Variants in VTI1A observed in about 807,000 individuals in gnomAD.
VTI1A encodes the protein vesicle transport through interaction with t-SNAREs homolog 1A.
A neutral mutation model predicts 34.9 loss-of-function variants in VTI1A; 22 were observed. The ratio of observed to expected loss-of-function variants is 0.63; its 90% confidence interval spans 0.45 to 0.90. The LOEUF (loss-of-function observed/expected upper bound fraction) is 0.90. Among genes scored for constraint, VTI1A ranks in the 40% least tolerant of loss-of-function variants. The probability of loss-of-function intolerance (pLI) is 0.00; values close to 1 mark genes in which losing one functional copy is unlikely to be tolerated. For synonymous variants in VTI1A, 87 were observed against 97.3 expected, an observed-to-expected ratio of 0.89 and a Z score of 0.62; for missense variants, 268 against 275.6, an observed-to-expected ratio of 0.97 and a Z score of 0.20.
intron 7 of VTI1A, among the ~76,000 whole-genome samples, chr10:112,679,179 T>C (rs1279962132): frequency 6.6e-6 from 1 of 152,196 alleles, no homozygotes; most frequent in Non-Finnish European, 1.5e-5. Context: ...CAAGCAGTTT[T>C]GTCTGTTGTA....
intron 7 of VTI1A, among the ~76,000 whole-genome samples, chr10:112,796,467 C>T (rs1852680791): frequency 6.6e-6 from 1 of 150,924 alleles, no homozygotes; most frequent in African/African-American, 2.4e-5. Flanking sequence ...GTCTCAAGAA[C>T]CTAAGGCATC....
At chr10:112,787,548 C>T (rs1852325208) in intron 7 of VTI1A, among the ~76,000 whole-genome samples, 1 of 151,988 alleles carries the variant, frequency 6.6e-6, no homozygotes, top group South Asian at 2.1e-4. Context: ...AAATTGCATC[C>T]TTCAAATAGT....
chr10:112,491,813 T>C (rs977110236), intron 3 of VTI1A, among the ~76,000 whole-genome samples: 2 of 152,228 alleles, frequency 1.3e-5, no homozygotes, highest in Non-Finnish European at 2.9e-5. Context: ...ACAGCAGCTC[T>C]AGGTGCTACA....
At chr10:112,599,840 A>C (rs1434373075) in intron 5 of VTI1A, among the ~76,000 whole-genome samples, 3 of 152,144 alleles carry the variant, frequency 2.0e-5, no homozygotes, top group Non-Finnish European at 4.4e-5. Context: ...CGGCTTCCCA[A>C]AGTGCTGGGA....
chr10:112,484,571 C>T (rs1332470684), intron 3 of VTI1A, among the ~76,000 whole-genome samples: 2 of 152,128 alleles, frequency 1.3e-5, no homozygotes, highest in East Asian at 3.8e-4. Flanking sequence ...CACACTGTTT[C>T]CTTGTCAGAG....
chr10:112,693,278 G>A (rs1848666876), intron 7 of VTI1A, among the ~76,000 whole-genome samples: 1 of 152,196 alleles, frequency 6.6e-6, no homozygotes, highest in Admixed American at 6.5e-5. Flanking sequence ...GGGGCGTGAT[G>A]GCTCATGTCT....
intron 5 of VTI1A, among the ~76,000 whole-genome samples, chr10:112,592,465 A>G (rs1844431601): frequency 6.6e-6 from 1 of 152,184 alleles, no homozygotes; most frequent in Non-Finnish European, 1.5e-5. Flanking sequence ...GAAAGCCCCA[A>G]TCAGAAAAAT....
At chr10:112,630,015 T>A (rs1247187523) in intron 5 of VTI1A, among the ~76,000 whole-genome samples, 4 of 152,310 alleles carry the variant, frequency 2.6e-5, no homozygotes, top group African/African-American at 9.6e-5. Context: ...GGGACTCTAG[T>A]ATGTTAAAGA....
intron 3 of VTI1A, among the ~76,000 whole-genome samples, chr10:112,504,049 A>G (rs938606847): frequency 1.3e-5 from 2 of 152,158 alleles, no homozygotes; most frequent in African/African-American, 4.8e-5. Flanking sequence ...TCATGCCTGA[A>G]ATTTCCCCGT....
At chr10:112,607,154 G>A (rs897599133) in intron 5 of VTI1A, among the ~76,000 whole-genome samples, 3 of 152,054 alleles carry the variant, frequency 2.0e-5, no homozygotes, top group Non-Finnish European at 1.5e-5. Flanking sequence ...GGGCATGGTG[G>A]TGGGCACCTG....
intron 7 of VTI1A, among the ~76,000 whole-genome samples, chr10:112,792,262 A>T (rs1458795487): frequency 6.6e-6 from 1 of 152,154 alleles, no homozygotes; most frequent in African/African-American, 2.4e-5. Context: ...GCGACAGTGC[A>T]AGAGAATCCA....
At chr10:112,840,686 C>T in the VTI1A span, among the ~76,000 whole-genome samples, 1 of 152,100 alleles carries the variant, frequency 6.6e-6, no homozygotes, top group African/African-American at 2.4e-5. Context: ...GCACAGGTGC[C>T]CTAAGAATTG....
intron 3 of VTI1A, among the ~76,000 whole-genome samples, chr10:112,472,938 C>A (rs1487950396): frequency 6.6e-6 from 1 of 150,704 alleles, no homozygotes; most frequent in Non-Finnish European, 1.5e-5. Flanking sequence ...AATATAATAC[C>A]TGGTCGTTAT....
intron 5 of VTI1A, among the ~76,000 whole-genome samples, chr10:112,604,344 C>A (rs556674682): frequency 1.3e-5 from 2 of 152,294 alleles, no homozygotes; most frequent in African/African-American, 4.8e-5. Context: ...AGAGTTACAA[C>A]ACCTAACACA....
intron 7 of VTI1A, among the ~76,000 whole-genome samples, chr10:112,750,374 G>T (rs7905570): frequency 4.7e-5 from 7 of 150,468 alleles, no homozygotes; most frequent in East Asian, 3.9e-4. Flanking sequence ...TTTTTTTTTT[G>T]GTTTTCTCGT....
At position 112,816,185 on chromosome 10, in the gene VTI1A, C is replaced by T. The variant is rs553597750; in HGVS notation, c.*802C>T. 203 of 218,012 alleles carry T rather than the reference C, an allele frequency of 9.3e-4. No homozygotes were observed. Among genetic ancestry groups the T allele is most frequent in the Non-Finnish European group, 1.5e-3 (164 of 108,460 alleles). The allele number at this position is 218,012 out of a possible 1,614,324, so 13.5% of individuals were successfully genotyped here. ...CTGACCTGTGTAAGCATCTCTGTAT[C>T]CTTTCGGTTTTAATATCTGCACTGC... On this transcript the variant is annotated 3_prime_UTR_variant, in exon 8 of 8. Transcript: ENST00000393077.
At chr10:112,650,830 G>A (rs1012269377) in intron 5 of VTI1A, among the ~76,000 whole-genome samples, 4 of 152,142 alleles carry the variant, frequency 2.6e-5, no homozygotes, top group African/African-American at 9.7e-5. Context: ...CAAATTAAAA[G>A]TACTGTTACT....
chr10:112,739,635 T>C (rs1321293680), intron 7 of VTI1A, among the ~76,000 whole-genome samples: 1 of 152,258 alleles, frequency 6.6e-6, no homozygotes, highest in African/African-American at 2.4e-5. Flanking sequence ...AATGTGCCCT[T>C]GTCTCTGCTG....
At chr10:112,810,286 C>T (rs972916833) in intron 7 of VTI1A, among the ~76,000 whole-genome samples, 1 of 151,338 alleles carries the variant, frequency 6.6e-6, no homozygotes, top group African/African-American at 2.4e-5. Context: ...GCCTGTAATC[C>T]CAAGTACTTG....
Sources: allele counts gnomAD v4.1 joint callset (sites outside exome capture counted in the v4.1 genomes callset), GRCh38; gene constraint gnomAD v4.1.1; transcripts MANE v1.5; gene names NCBI Gene and HGNC (gene_info 2026-07-23, HGNC 2026-07-21).